Variants in CYP7B1 observed in about 807,000 individuals in gnomAD.
CYP7B1 encodes cytochrome P450 7B1.
Under a neutral mutation model 42.7 loss-of-function variants are expected in CYP7B1, and 29 were observed. The ratio of observed to expected loss-of-function variants is 0.68; its 90% confidence interval spans 0.51 to 0.93. The LOEUF is 0.93. CYP7B1 is among the 40% of genes least tolerant of loss of function. CYP7B1 has a pLI of 0.00. For missense variants in CYP7B1, 655 were observed against 600.5 expected (o/e 1.09, Z -0.95); for synonymous variants, 235 against 218.2 (o/e 1.08, Z -0.68).
chr8:64,705,632 T>C (rs1806988039), intron 1 of CYP7B1, among the ~76,000 whole-genome samples: 1 of 151,928 alleles, frequency 6.6e-6, no homozygotes, highest in Admixed American at 6.6e-5. Context: ...GAATTGACGG[T>C]TTTGCAGTTA....
At chr8:64,773,495 C>CA in intron 1 of CYP7B1, among the ~76,000 whole-genome samples, 2 of 152,224 alleles carry the variant, frequency 1.3e-5, no homozygotes, top group Middle Eastern at 6.8e-3. Flanking sequence ...TTTACAATTG[C>CA]AAAAAATAAC....
chr8:64,587,966 T>C (rs903923156), downstream of CYP7B1, among the ~76,000 whole-genome samples: 2 of 152,210 alleles, frequency 1.3e-5, no homozygotes, highest in African/African-American at 2.4e-5. Flanking sequence ...CACAATGTGT[T>C]ATTCTCCTTC....
Position 64,601,988 on chromosome 8 carries a change from C to A in CYP7B1, c.1233+2694G>T, listed in dbSNP as rs190801638. ...ACATATGTTAATGTGCAATATCTGT[C>A]CTGATTTAAAATTATAACTGAAGCA... On this transcript the variant is annotated intron_variant, in intron 5 of 5. Transcript: ENST00000310193. Among the ~76,000 whole-genome samples the A allele has an allele frequency of 4.7e-4, 72 of 152,210 alleles. 1 individual carries two copies. The highest frequency in any genetic ancestry group is 3.1e-3 in the Admixed American group (47 of 15,268).
At chr8:64,663,706 CAAAT>C (rs1806233573) in intron 1 of CYP7B1, among the ~76,000 whole-genome samples, 1 of 152,110 alleles carries the variant, frequency 6.6e-6, no homozygotes, top group South Asian at 2.1e-4. Context: ...ATCCAAACTA[CAAAT>C]AATATGCAGG....
chr8:64,739,128 G>A (rs1376587222), intron 1 of CYP7B1, among the ~76,000 whole-genome samples: 1 of 152,168 alleles, frequency 6.6e-6, no homozygotes, highest in Non-Finnish European at 1.5e-5. Context: ...CCCCGCCCCA[G>A]GCACAGGGCA....
In CYP7B1 at chr8:64,697,976, A is replaced by G. The variant is rs140692506; in HGVS notation, c.123-73437T>C. 1.9e-3 allele frequency among the ~76,000 whole-genome samples: 291 copies of G among 152,354 alleles called. 3 individuals carry two copies. The highest frequency in any genetic ancestry group is 6.7e-3 in the African/African-American group (277 of 41,594). The stretch of plus-strand genomic sequence containing the variant: ...TTTTCACAGACTGGACTTACTGATT[A>G]CGACAATACTTTTTGAAATCAAGAG... On this transcript the variant is annotated intron_variant, in intron 1 of 5. Transcript: ENST00000310193.
chr8:64,686,032 C>A (rs1198910387), intron 1 of CYP7B1, among the ~76,000 whole-genome samples: 1 of 108,868 alleles, frequency 9.2e-6, no homozygotes, highest in Non-Finnish European at 2.0e-5. Context: ...CGGCCAGCCA[C>A]CCCGTCCGGG....
chr8:64,613,690 T>C (rs55907526), intron 4 of CYP7B1, among the ~76,000 whole-genome samples: 278 of 152,282 alleles, frequency 1.8e-3, no homozygotes, highest in African/African-American at 6.1e-3. Flanking sequence ...ATTTTAGTAA[T>C]GTTGAGATTT....
intron 1 of CYP7B1, among the ~76,000 whole-genome samples, chr8:64,762,535 T>G (rs1807905230): frequency 6.6e-6 from 1 of 152,192 alleles, no homozygotes; most frequent in Non-Finnish European, 1.5e-5. Flanking sequence ...AAAAAATAGG[T>G]TACTTCACTA....
intron 1 of CYP7B1, among the ~76,000 whole-genome samples, chr8:64,776,502 CT>C (rs1315199631): frequency 6.6e-6 from 1 of 152,142 alleles, no homozygotes; most frequent in Non-Finnish European, 1.5e-5. Context: ...TCCTAAAATA[CT>C]TTTAAACCCT....
intron 1 of CYP7B1, among the ~76,000 whole-genome samples, chr8:64,771,103 C>T (rs182960641): frequency 0.011 from 1,200 of 112,766 alleles, 9 homozygotes; most frequent in Middle Eastern, 0.02. Context: ...GCTCTGTCGC[C>T]AGGCTGGAGT....
chr8:64,594,429 T>G lies in CYP7B1; in HGVS notation c.*2213A>C, dbSNP rs1805087301. On this transcript the variant is annotated 3_prime_UTR_variant, in exon 6 of 6. Coordinates refer to ENST00000310193, the MANE Select transcript of CYP7B1 (RefSeq NM_004820.5). The stretch of plus-strand genomic sequence containing the variant: ...ATAAGAAAATTAGGAAGAATATAAC[T>G]TACAGAAAATAGGTACTCAAGATAA... Among the ~76,000 whole-genome samples the G allele has an allele frequency of 6.6e-6, 1 of 152,056 alleles. No individual in the cohort carries two copies. Among genetic ancestry groups the G allele is most frequent in the South Asian group, 2.1e-4 (1 of 4,824 alleles).
chr8:64,771,459 T>C (rs2129643893), intron 1 of CYP7B1, among the ~76,000 whole-genome samples: 1 of 152,342 alleles, frequency 6.6e-6, no homozygotes, highest in South Asian at 2.1e-4. Flanking sequence ...AGGTTCTCAC[T>C]TCTTTTTTTC....
Position 64,604,612 on chromosome 8 carries a change from G to A in CYP7B1, c.1233+70C>T, listed in dbSNP as rs6991989. On this transcript the variant is annotated intron_variant, in intron 5 of 5. Coordinates refer to ENST00000310193, the MANE Select transcript of CYP7B1 (RefSeq NM_004820.5). ...CTGGACCAAAGTGGCAAGAGGAAGA[G>A]ATAGGGATGGAAGAGGAATGTGCCC... is the stretch of plus-strand genomic sequence containing the variant. 12,014 of 1,579,698 alleles carry A rather than the reference G, an allele frequency of 7.6e-3. 834 individuals are homozygous for A. In the African/African-American group the frequency reaches 0.14, roughly 19 times the overall value.
intron 1 of CYP7B1, among the ~76,000 whole-genome samples, chr8:64,644,227 G>GCGC (rs1805912240): frequency 6.6e-6 from 1 of 151,104 alleles, no homozygotes; most frequent in Non-Finnish European, 1.5e-5. Context: ...AGCTGAGAGT[G>GCGC]CGCCACTGCA....
intron 1 of CYP7B1, among the ~76,000 whole-genome samples, chr8:64,795,829 A>G (rs1309720239): frequency 6.6e-6 from 1 of 152,224 alleles, no homozygotes; most frequent in Non-Finnish European, 1.5e-5. Context: ...TGTGATTGAC[A>G]GTCTCACCAG....
At chr8:64,665,520 A>G (rs941514338) in intron 1 of CYP7B1, among the ~76,000 whole-genome samples, 1 of 126,254 alleles carries the variant, frequency 7.9e-6, no homozygotes, top group Non-Finnish European at 1.6e-5. Flanking sequence ...AAACTGCTTC[A>G]CCTTTAGAGC....
At chr8:64,781,658 T>C (rs1235479548) in intron 1 of CYP7B1, among the ~76,000 whole-genome samples, 1 of 152,170 alleles carries the variant, frequency 6.6e-6, no homozygotes, top group Non-Finnish European at 1.5e-5. Flanking sequence ...CTGATTCCAC[T>C]GAGCCCTCTC....
chr8:64,630,679 C>T (rs1019426287), intron 1 of CYP7B1, among the ~76,000 whole-genome samples: 12 of 152,190 alleles, frequency 7.9e-5, no homozygotes, highest in African/African-American at 2.7e-4. Context: ...CAGATAAACA[C>T]GAACTCAGTA....
Sources: gnomAD v4.1 joint callset for allele counts (sites outside exome capture counted in the v4.1 genomes callset) on GRCh38, gnomAD v4.1.1 for gene constraint, MANE v1.5 for transcripts, NCBI Gene and HGNC (gene_info 2026-07-23, HGNC 2026-07-21) for gene names.